The following NCAM2 variants were observed in gnomAD, a reference collection of about 807,000 sequenced individuals.
The protein encoded by NCAM2 is N-CAM-2.
NCAM2 carries 30 observed loss-of-function variants against 98.1 expected under a neutral mutation model. The ratio of observed to expected loss-of-function variants is 0.31; its 90% CI spans 0.23 to 0.41. The LOEUF is 0.41. NCAM2 is among the 10% of genes least tolerant of loss of function. The pLI, the probability that NCAM2 is intolerant of heterozygous loss-of-function variation, is 1.00. For synonymous variants in NCAM2, 368 were observed against 342.4 expected, an observed-to-expected ratio of 1.07 and a Z score of -0.83; for missense variants, 867 against 1,005.8, an observed-to-expected ratio of 0.86 and a Z score of 1.87.
chr21:21,233,151 CA>C (rs1400039564), intron 1 of NCAM2, among the ~76,000 whole-genome samples: 1 of 151,462 alleles, frequency 6.6e-6, no homozygotes, highest in African/African-American at 2.4e-5. Context: ...AAGATTGATA[CA>C]AAATTGGCAA....
chr21:21,398,904 G>C (rs772260352), intron 9 of NCAM2, among the ~76,000 whole-genome samples: 1 of 152,196 alleles, frequency 6.6e-6, no homozygotes, highest in Non-Finnish European at 1.5e-5. Flanking sequence ...ATGAGAGTTG[G>C]CAGGAGGAAA....
intron 1 of NCAM2, among the ~76,000 whole-genome samples, chr21:21,020,521 G>A (rs2064410285): frequency 6.6e-6 from 1 of 152,182 alleles, no homozygotes; most frequent in Non-Finnish European, 1.5e-5. Flanking sequence ...TGCAGTGTCT[G>A]TACTAGCAGC....
chr21:21,207,846 G>A (rs988020671), intron 1 of NCAM2, among the ~76,000 whole-genome samples: 2 of 152,222 alleles, frequency 1.3e-5, no homozygotes, highest in East Asian at 3.9e-4. Context: ...TATTACACTT[G>A]AATGTAAACT....
At chr21:21,177,905 G>C (rs936184848) in intron 1 of NCAM2, among the ~76,000 whole-genome samples, 5 of 151,884 alleles carry the variant, frequency 3.3e-5, no homozygotes, top group Non-Finnish European at 7.4e-5. Flanking sequence ...TTTGCCATGG[G>C]ACAATGTTAA....
chr21:21,125,856 C>T (rs1399837058), intron 1 of NCAM2, among the ~76,000 whole-genome samples: 5 of 151,136 alleles, frequency 3.3e-5, no homozygotes, highest in Non-Finnish European at 4.4e-5. Flanking sequence ...GAATGAACTT[C>T]ATTTTCCATT....
chr21:21,526,649 C>T (rs1208258393), intron 16 of NCAM2, among the ~76,000 whole-genome samples: 1 of 151,888 alleles, frequency 6.6e-6, no homozygotes, highest in Non-Finnish European at 1.5e-5. Flanking sequence ...CATAGAGAGG[C>T]AAAAAGACCC....
chr21:21,015,227 T>G (rs1247937420), intron 1 of NCAM2, among the ~76,000 whole-genome samples: 1 of 152,190 alleles, frequency 6.6e-6, no homozygotes, highest in East Asian at 1.9e-4. Flanking sequence ...GAAGACTGAC[T>G]TCAATTTTGA....
At chr21:21,157,686 G>A (rs1464152478) in intron 1 of NCAM2, among the ~76,000 whole-genome samples, 1 of 151,944 alleles carries the variant, frequency 6.6e-6, no homozygotes, top group East Asian at 1.9e-4. Context: ...CGTAAAACAT[G>A]CAAAGAGCAG....
chr21:21,474,944 G>A (rs1602449465), intron 14 of NCAM2, among the ~76,000 whole-genome samples: 1 of 150,796 alleles, frequency 6.6e-6, no homozygotes, highest in East Asian at 1.9e-4. Context: ...TTACTTTTGG[G>A]TTGACTTTTT....
rs192387934 is a variant in NCAM2, at chr21:21,038,160, A to G, written c.55+39542A>G. On this transcript the variant is annotated intron_variant, in intron 1 of 17. Coordinates refer to ENST00000400546, the MANE Select transcript of NCAM2 (RefSeq NM_004540.5). Reference sequence around the variant, plus strand: ...TGCTACTGTTAACTTACCAATTAGCATGATCTAAATCTAAATTCATTTAAA... The same window carrying G: ...TGCTACTGTTAACTTACCAATTAGCGTGATCTAAATCTAAATTCATTTAAA... Among the ~76,000 whole-genome samples the G allele has an allele frequency of 3.0e-3, 450 of 152,276 alleles. 4 individuals are homozygous for G. The highest frequency in any genetic ancestry group is 0.01 in the African/African-American group (416 of 41,564).
chr21:21,025,204 G>A (rs1193610393), intron 1 of NCAM2, among the ~76,000 whole-genome samples: 1 of 151,864 alleles, frequency 6.6e-6, no homozygotes, highest in Non-Finnish European at 1.5e-5. Flanking sequence ...TCCTGCGTCA[G>A]CCTCTTGAGT....
At chr21:21,054,066 C>T (rs1220008322) in intron 1 of NCAM2, among the ~76,000 whole-genome samples, 3 of 151,714 alleles carry the variant, frequency 2.0e-5, no homozygotes, top group Non-Finnish European at 4.4e-5. Flanking sequence ...CAAAAGATCA[C>T]TTGACATTTT....
intron 1 of NCAM2, among the ~76,000 whole-genome samples, chr21:21,279,491 T>G (rs1391940743): frequency 6.6e-6 from 1 of 152,148 alleles, no homozygotes; most frequent in Non-Finnish European, 1.5e-5. Context: ...CCCGAGTAGC[T>G]GGGATTACAG....
intron 1 of NCAM2, among the ~76,000 whole-genome samples, chr21:21,119,815 AT>A (rs2146560779): frequency 6.6e-6 from 1 of 152,338 alleles, no homozygotes; most frequent in East Asian, 1.9e-4. Context: ...GAAAACAGAA[AT>A]TAGTATTTTT....
intron 1 of NCAM2, among the ~76,000 whole-genome samples, chr21:21,277,123 T>C (rs1367416679): frequency 6.6e-6 from 1 of 152,124 alleles, no homozygotes; most frequent in Admixed American, 6.5e-5. Flanking sequence ...TTCACACACA[T>C]TTCTTAGATT....
intron 1 of NCAM2, among the ~76,000 whole-genome samples, chr21:21,005,011 C>T (rs1351569272): frequency 6.6e-6 from 1 of 151,888 alleles, no homozygotes; most frequent in South Asian, 2.1e-4. Flanking sequence ...GGGAGGGGCG[C>T]GTTGAGAGAA....
chr21:21,337,178 T>G (rs1310461558), intron 7 of NCAM2, among the ~76,000 whole-genome samples: 9 of 152,120 alleles, frequency 5.9e-5, no homozygotes, highest in Non-Finnish European at 1.0e-4. Flanking sequence ...GGTCTTAATC[T>G]GCCTCAGTGT....
rs146688605 is a variant in NCAM2, at chr21:21,208,687, A to G, written c.56-71891A>G. ...GGAGATTATTGTAGAGGAGACCTTA[A>G]GAAAAAAAAAATCTTTGACATTTTC... is the stretch of plus-strand genomic sequence containing the variant. On this transcript the variant is annotated intron_variant, in intron 1 of 17. Coordinates refer to ENST00000400546, the MANE Select transcript of NCAM2 (RefSeq NM_004540.5). Among the ~76,000 whole-genome samples the G allele has an allele frequency of 1.5e-3, 224 of 152,218 alleles. 5 individuals are homozygous for G. The East Asian group carries it at 0.037, about 25-fold the overall frequency.
At chr21:21,407,059 CT>C (rs1486837028) in intron 9 of NCAM2, among the ~76,000 whole-genome samples, 1 of 152,214 alleles carries the variant, frequency 6.6e-6, no homozygotes, top group East Asian at 1.9e-4. Flanking sequence ...TGTAAAGGGC[CT>C]TCCTGATTTT....
Sources: allele counts gnomAD v4.1 joint callset (sites outside exome capture counted in the v4.1 genomes callset), GRCh38; gene constraint gnomAD v4.1.1; transcripts MANE v1.5; gene names NCBI Gene and HGNC (gene_info 2026-07-23, HGNC 2026-07-21).